The following DOCK10 variants were observed in gnomAD, a reference collection of about 807,000 sequenced individuals.
DOCK10 encodes dedicator of cytokinesis 10.
DOCK10 carries 145 observed loss-of-function variants against 280.1 expected under a neutral mutation model. That is an observed-to-expected ratio of 0.52 (90% confidence interval 0.45 to 0.59). DOCK10 has a LOEUF of 0.59. Among genes scored for constraint, DOCK10 ranks in the 20% least tolerant of loss-of-function variants. The pLI is 0.00. For synonymous variants in DOCK10, 915 were observed against 942.2 expected, an observed-to-expected ratio of 0.97 and a Z score of 0.53; for missense variants, 2,368 against 2,651.7, an observed-to-expected ratio of 0.89 and a Z score of 2.35.
intron 1 of DOCK10, among the ~76,000 whole-genome samples, chr2:225,028,853 C>A (rs1476403849): frequency 1.3e-5 from 2 of 152,212 alleles, no homozygotes; most frequent in Non-Finnish European, 2.9e-5. Flanking sequence ...TCTCAGCAAA[C>A]AACAGGTGTC....
chr2:224,835,987 G>A (rs562496051), intron 25 of DOCK10, among the ~76,000 whole-genome samples: 1 of 152,302 alleles, frequency 6.6e-6, no homozygotes, highest in Admixed American at 6.5e-5. Context: ...GAGCGTCACC[G>A]GTAGAAAGTC....
chr2:224,862,255 T>A (rs916757569), intron 14 of DOCK10: 2 of 159,928 alleles, frequency 1.3e-5, no homozygotes, highest in African/African-American at 4.8e-5. Flanking sequence ...ACCTGAGCTC[T>A]ACGCATAAAT....
chr2:224,787,448 C>A lies in DOCK10; in HGVS notation c.5419-51G>T, dbSNP rs1202216543. 12 of 1,601,070 alleles carry A rather than the reference C, an allele frequency of 7.5e-6. No individual in the cohort carries two copies. In the Admixed American group the frequency reaches 1.4e-4, roughly 19 times the overall value. On this transcript the variant is annotated intron_variant, in intron 48 of 55. Transcript: ENST00000258390. ...ATTTTACATGATTAGGGTTGTGGCT[C>A]ATGCCTGAAACTTGGTTTCCAAGCT...
At chr2:224,903,234 G>A (rs1377274580) in intron 3 of DOCK10, among the ~76,000 whole-genome samples, 1 of 152,166 alleles carries the variant, frequency 6.6e-6, no homozygotes, top group African/African-American at 2.4e-5. Context: ...ATCACAGCAC[G>A]ATCTAATTTA....
At chr2:225,003,171 C>A (rs1010491173) in intron 1 of DOCK10, among the ~76,000 whole-genome samples, 1 of 152,056 alleles carries the variant, frequency 6.6e-6, no homozygotes, top group African/African-American at 2.4e-5. Context: ...CTCAGCCTCC[C>A]GAGTAGCTGG....
chr2:224,928,825 C>T (rs1702173392), intron 2 of DOCK10, among the ~76,000 whole-genome samples: 1 of 152,200 alleles, frequency 6.6e-6, no homozygotes, highest in African/African-American at 2.4e-5. Context: ...CACACAGAGC[C>T]CAGATGAACT....
At chr2:224,778,644 T>G (rs1200651409) in intron 50 of DOCK10, among the ~76,000 whole-genome samples, 2 of 152,188 alleles carry the variant, frequency 1.3e-5, no homozygotes, top group Non-Finnish European at 2.9e-5. Context: ...TGGAGCAATT[T>G]TTGGCAGCAT....
intron 39 of DOCK10, among the ~76,000 whole-genome samples, chr2:224,803,376 G>A (rs1023772213): frequency 4.6e-5 from 7 of 151,758 alleles, no homozygotes; most frequent in Non-Finnish European, 1.5e-5. Flanking sequence ...CGCTATGTAC[G>A]ACTCTTATAT....
chr2:224,817,378 T>C (rs1347142416), intron 29 of DOCK10, among the ~76,000 whole-genome samples: 1 of 152,216 alleles, frequency 6.6e-6, no homozygotes, highest in Non-Finnish European at 1.5e-5. Flanking sequence ...CTCTCATGCA[T>C]GCTAAGTAAC....
At chr2:224,905,431 A>G (rs899004305) in intron 3 of DOCK10, among the ~76,000 whole-genome samples, 2 of 150,540 alleles carry the variant, frequency 1.3e-5, no homozygotes, top group African/African-American at 4.9e-5. Flanking sequence ...TTGTATTTTT[A>G]GTAGAGACGG....
At chr2:224,836,298 G>T (rs1695588923) in intron 25 of DOCK10, among the ~76,000 whole-genome samples, 1 of 152,158 alleles carries the variant, frequency 6.6e-6, no homozygotes, top group Non-Finnish European at 1.5e-5. Context: ...CCCTATCTTA[G>T]GGAGCAAACT....
At chr2:224,816,241 A>G (rs1394892184) in intron 30 of DOCK10, among the ~76,000 whole-genome samples, 1 of 149,052 alleles carries the variant, frequency 6.7e-6, no homozygotes, top group Non-Finnish European at 1.5e-5. Context: ...TATAAATTAT[A>G]TATATAGTAC....
intron 26 of DOCK10, among the ~76,000 whole-genome samples, chr2:224,832,019 C>A (rs1047315077): frequency 6.6e-6 from 1 of 152,174 alleles, no homozygotes; most frequent in African/African-American, 2.4e-5. Context: ...CCAGGATGGG[C>A]ACCCTTCTTT....
chr2:225,041,879 TCC>T (rs981647043), intron 1 of DOCK10, among the ~76,000 whole-genome samples: 1 of 151,850 alleles, frequency 6.6e-6, no homozygotes, highest in South Asian at 2.1e-4. Flanking sequence ...GTTCTGTAGA[TCC>T]CCCCACCCCA....
chr2:224,916,878 C>A, intron 2 of DOCK10, 94 bp from the exon 3 acceptor site: 1 of 913,288 alleles, frequency 1.1e-6, no homozygotes, highest in South Asian at 1.5e-5. Flanking sequence ...TCTTTTAGAT[C>A]TTAGTATTTA....
intron 31 of DOCK10, among the ~76,000 whole-genome samples, chr2:224,812,665 A>G (rs1409514101): frequency 1.3e-5 from 2 of 152,218 alleles, no homozygotes; most frequent in Non-Finnish European, 1.5e-5. Flanking sequence ...CGTCCCATCA[A>G]TACCTAATTT....
rs1342287663 is a variant in DOCK10 at position 224,794,970 on chromosome 2, AG to A, written c.5062del (p.Leu1688TrpfsTer47). 6.2e-7 allele frequency: 1 copy of A among 1,613,760 alleles called. No homozygotes were observed. The highest frequency in any genetic ancestry group is 8.5e-7 in the Non-Finnish European group (1 of 1,179,844). On this transcript the variant is annotated frameshift_variant, in exon 45 of 56. Transcript: ENST00000258390. LOFTEE classifies it high-confidence loss of function. The part of the protein sequence containing the change: ...PEMLVDLQYS[L>X]ANSYASTPEL... ...AGGAGTGCTTGCGTAGGAGTTTGCC[AG>A]GCTGTACTGGAGATCCACCAGCATC... is the stretch of plus-strand genomic sequence containing the variant.
intron 31 of DOCK10, among the ~76,000 whole-genome samples, chr2:224,813,635 G>T (rs1421086353): frequency 1.3e-5 from 2 of 152,198 alleles, no homozygotes; most frequent in African/African-American, 2.4e-5. Context: ...CGTAAGGGAG[G>T]TATGATTAAT....
At chr2:224,813,825 A>G (rs1158326187) in intron 31 of DOCK10, among the ~76,000 whole-genome samples, 1 of 152,218 alleles carries the variant, frequency 6.6e-6, no homozygotes, top group Admixed American at 6.5e-5. Flanking sequence ...AATATTGAGG[A>G]TCCAGGAATA....
Sources: gnomAD v4.1 joint callset for allele counts (sites outside exome capture counted in the v4.1 genomes callset) on GRCh38, gnomAD v4.1.1 for gene constraint, MANE v1.5 for transcripts, NCBI Gene and HGNC (gene_info 2026-07-23, HGNC 2026-07-21) for gene names.